The following EOGT variants were observed in gnomAD, a reference collection of about 807,000 sequenced individuals.
EOGT encodes EGF domain specific O-linked N-acetylglucosamine transferase.
Under a neutral mutation model 70.5 loss-of-function variants are expected in EOGT, and 55 were observed. The observed-to-expected ratio is 0.78, with a 90% CI of 0.63 to 0.98. EOGT has a LOEUF of 0.98. Ranked by LOEUF, EOGT falls within the 50% of genes least tolerant of loss-of-function variation. The pLI is 0.00. For synonymous variants in EOGT, 246 were observed against 217.1 expected (o/e 1.13, Z -1.17); for missense variants, 703 against 641.9 (o/e 1.10, Z -1.03).
intron 15 of EOGT, among the ~76,000 whole-genome samples, chr3:68,980,821 T>C (rs2090617766): frequency 2.0e-5 from 3 of 152,230 alleles, no homozygotes; most frequent in Admixed American, 6.5e-5. Flanking sequence ...ACGCCTGTGG[T>C]CAGCACTCAC....
rs144575839 is a variant in EOGT, at chr3:69,007,841, T to A, written c.312-20A>T. ...TCCGTCCTATTTGCAAATAAAAATA[T>A]TCTGTGTTTTTTTCTTTTTACTTTT... On this transcript the variant is annotated intron_variant, in intron 5 of 17. Coordinates refer to ENST00000383701, the MANE Select transcript of EOGT (RefSeq NM_001278689.2). The A allele has an allele frequency of 1.9e-6, 3 of 1,545,860 alleles. No individual in the cohort carries two copies. In the South Asian group the frequency reaches 3.5e-5, roughly 18 times the overall value.
Position 68,977,351 on chromosome 3 carries a change from T to G in EOGT, c.*267A>C. ...AAAAAAAAAAAAGAAAGAAAGAAAGTTAAAGTATACTGGGGAGTCCATGCT... is the reference window on the plus strand; with the variant it reads ...AAAAAAAAAAAAGAAAGAAAGAAAGGTAAAGTATACTGGGGAGTCCATGCT... On this transcript the variant is annotated 3_prime_UTR_variant, in exon 18 of 18. Transcript: ENST00000383701. The G allele has an allele frequency of 3.4e-6, 1 of 291,364 alleles. No homozygotes were observed. The highest frequency in any genetic ancestry group is 8.1e-5 in the East Asian group (1 of 12,270). 18.0% of individuals were successfully genotyped at this position (291,364 alleles called of 1,614,324 possible). A position where few individuals can be genotyped will look rare whatever the true frequency, so the allele number is the denominator to read the frequency against.
At chr3:68,991,633 A>T (rs142865184) in intron 10 of EOGT, among the ~76,000 whole-genome samples, 1 of 152,198 alleles carries the variant, frequency 6.6e-6, no homozygotes, top group Non-Finnish European at 1.5e-5. Context: ...AATATGAGAC[A>T]GAGAATGTAT....
At chr3:69,010,320 T>TA in intron 3 of EOGT, among the ~76,000 whole-genome samples, 1 of 152,378 alleles carries the variant, frequency 6.6e-6, no homozygotes, top group East Asian at 1.9e-4. Flanking sequence ...TGGTCTATTA[T>TA]AAAAGAATGG....
chr3:69,004,280 T>C, intron 8 of EOGT, 98 bp downstream of exon 8: 1 of 880,080 alleles, frequency 1.1e-6, no homozygotes, highest in Middle Eastern at 2.5e-4. Context: ...TATGTACAAA[T>C]GAAGTAACAT....
rs1219923959 is a variant in EOGT at position 68,989,024 on chromosome 3, G to A, written c.832-7C>T. ...CACCATATCCGTAAGAACTCTGAAA[G>A]TAGAAACAAAACAAGGTTTTAGGGC... On this transcript the variant is annotated splice_region_variant and splice_polypyrimidine_tract_variant and intron_variant, in intron 10 of 17. Transcript: ENST00000383701. The A allele has an allele frequency of 1.3e-6, 2 of 1,493,002 alleles. No individual in the cohort carries two copies. The highest frequency in any genetic ancestry group is 4.2e-5 in the Admixed American group (2 of 47,600). The allele number at this position is 1,493,002 out of a possible 1,614,324, so 92.5% of individuals were successfully genotyped here.
intron 7 of EOGT, among the ~76,000 whole-genome samples, 161 bp downstream of exon 7, chr3:69,004,979 T>C (rs967004756): frequency 7.3e-5 from 11 of 151,630 alleles, no homozygotes; most frequent in African/African-American, 2.7e-4. Flanking sequence ...GGAGGATCAC[T>C]TGGGTTTGGG....
At chr3:68,994,438 A>C (rs1282166922) in intron 10 of EOGT, among the ~76,000 whole-genome samples, 1 of 152,154 alleles carries the variant, frequency 6.6e-6, no homozygotes, top group Non-Finnish European at 1.5e-5. Flanking sequence ...TTTTTTAAAA[A>C]CTTCACATAC....
chr3:68,990,348 C>CTTTT (rs56046605), intron 10 of EOGT, among the ~76,000 whole-genome samples: 28 of 107,888 alleles, frequency 2.6e-4, no homozygotes, highest in Admixed American at 4.2e-4. Flanking sequence ...TTACCACATG[C>CTTTT]TTTTTTTTTT....
intron 15 of EOGT, among the ~76,000 whole-genome samples, chr3:68,982,457 T>C (rs1255699923): frequency 1.3e-5 from 2 of 151,978 alleles, no homozygotes; most frequent in African/African-American, 4.8e-5. Context: ...GAGGTGGAGG[T>C]TGCAGTGAGC....
intron 8 of EOGT, among the ~76,000 whole-genome samples, chr3:69,003,205 C>T (rs1559610620): frequency 6.6e-6 from 1 of 152,124 alleles, no homozygotes; most frequent in Non-Finnish European, 1.5e-5. Flanking sequence ...GTTAATACTA[C>T]TGTACCAATG....
At position 68,987,527 on chromosome 3, in the gene EOGT, G is replaced by C. The variant is rs4855540; in HGVS notation, c.1084-14C>G. 424,039 of 1,598,968 alleles carry C rather than the reference G, an allele frequency of 0.27. 60,357 individuals are homozygous for C. The highest frequency in any genetic ancestry group is 0.38 in the East Asian group (16,831 of 44,694). On this transcript the variant is annotated splice_polypyrimidine_tract_variant and intron_variant, in intron 13 of 17. Transcript: ENST00000383701. ...AATTTTTCCATCCTGTAATCAAAAT[G>C]AAACGGTAAAATAACACTGCATATG...
chr3:69,006,907 C>T (rs929190565), intron 6 of EOGT, among the ~76,000 whole-genome samples: 2 of 152,196 alleles, frequency 1.3e-5, no homozygotes, highest in African/African-American at 2.4e-5. Context: ...TCTGAGGACC[C>T]TGTTTTCCAT....
intron 10 of EOGT, among the ~76,000 whole-genome samples, chr3:68,993,324 C>G (rs1046437396): frequency 1.3e-5 from 2 of 152,144 alleles, no homozygotes; most frequent in African/African-American, 4.8e-5. Context: ...CTGCCAAATA[C>G]CCTAAATCAT....
intron 4 of EOGT, among the ~76,000 whole-genome samples, chr3:69,009,401 G>C (rs1003879973): frequency 1.3e-5 from 2 of 152,102 alleles, no homozygotes; most frequent in Non-Finnish European, 2.9e-5. Context: ...TTTACAAATA[G>C]TATTGGCTAC....
At chr3:69,006,403 T>C (rs145579722) in intron 6 of EOGT, among the ~76,000 whole-genome samples, 3 of 152,334 alleles carry the variant, frequency 2.0e-5, no homozygotes, top group Admixed American at 2.0e-4. Flanking sequence ...TTTTTGAATG[T>C]GAGTAAATTA....
chr3:69,012,264 G>C (rs770607563), intron 2 of EOGT: 6 of 152,156 alleles, frequency 3.9e-5, no homozygotes, highest in Non-Finnish European at 8.8e-5. Flanking sequence ...GCATCCACTG[G>C]AACTGGCCAA....
chr3:69,011,030 G>GCT (rs2091560911), intron 3 of EOGT, among the ~76,000 whole-genome samples: 1 of 152,048 alleles, frequency 6.6e-6, no homozygotes, highest in African/African-American at 2.4e-5. Context: ...GTGCCCTTAA[G>GCT]CTCTCCCATC....
intron 10 of EOGT, among the ~76,000 whole-genome samples, chr3:68,995,678 G>A (rs924995599): frequency 6.6e-6 from 1 of 152,178 alleles, no homozygotes; most frequent in Non-Finnish European, 1.5e-5. Context: ...CAGGTACAAG[G>A]AAGCTTCTGG....
Sources: gnomAD v4.1 joint callset for allele counts (sites outside exome capture counted in the v4.1 genomes callset) on GRCh38, gnomAD v4.1.1 for gene constraint, MANE v1.5 for transcripts, NCBI Gene and HGNC (gene_info 2026-07-23, HGNC 2026-07-21) for gene names.